The following LYPLAL1 variants were observed in gnomAD, a reference collection of about 807,000 sequenced individuals.
LYPLAL1 encodes the protein lysophospholipase like 1, also known as lysophospholipase-like protein 1.
Under a neutral mutation model 19.7 loss-of-function variants are expected in LYPLAL1, and 23 were observed. That is an observed-to-expected ratio of 1.17 (90% CI 0.84 to 1.65). The LOEUF (loss-of-function observed/expected upper bound fraction) is 1.65. Among genes scored for constraint, LYPLAL1 ranks in the 40% most tolerant of loss-of-function variants. The pLI is 0.00. For synonymous variants in LYPLAL1, 119 were observed against 96.3 expected, an observed-to-expected ratio of 1.24 and a Z score of -1.38; for missense variants, 355 against 279.4, an observed-to-expected ratio of 1.27 and a Z score of -1.93.
In LYPLAL1 at chr1:219,173,907, G is replaced by A. The variant is rs373035897; in HGVS notation, c.17G>A (p.Gly6Glu). ...GCATCAGCGATGGCGGCTGCGTCGG[G>A]GTCGGTTCTGCAGCGCTGTATCGTG... Reference protein sequence around the residue: MAAASGSVLQRCIVSP... With the variant: MAAASESVLQRCIVSP... Residue 6 changes from glycine to glutamate, a missense_variant, in exon 1 of 5, where the codon GGG becomes GAG. Coordinates refer to ENST00000366928, the MANE Select transcript of LYPLAL1 (RefSeq NM_138794.5). The A allele has an allele frequency of 1.2e-6, 2 of 1,613,274 alleles. No individual in the cohort carries two copies. Among genetic ancestry groups the A allele is most frequent in the Non-Finnish European group, 1.7e-6 (2 of 1,179,904 alleles).
chr1:219,217,062 AGACTC>A (rs1195190557), downstream of LYPLAL1, among the ~76,000 whole-genome samples: 3 of 152,264 alleles, frequency 2.0e-5, no homozygotes, highest in Middle Eastern at 3.4e-3. Flanking sequence ...CCTTCAGAGA[AGACTC>A]AACTCATGCA....
chr1:219,204,214 G>A (rs766701932), intron 3 of LYPLAL1, among the ~76,000 whole-genome samples: 3 of 152,110 alleles, frequency 2.0e-5, no homozygotes, highest in Non-Finnish European at 4.4e-5. Flanking sequence ...ATAAAACTTA[G>A]GGAAAACAGG....
the LYPLAL1 span, among the ~76,000 whole-genome samples, chr1:219,381,515 A>T: frequency 6.6e-6 from 1 of 152,170 alleles, no homozygotes; most frequent in Non-Finnish European, 1.5e-5. Context: ...CTTAGTGGGG[A>T]CAAAATAGAA....
the LYPLAL1 span, among the ~76,000 whole-genome samples, chr1:219,229,076 AAGAC>A: frequency 6.6e-6 from 1 of 152,038 alleles, no homozygotes; most frequent in African/African-American, 2.4e-5. Flanking sequence ...AGTAAACTGA[AAGAC>A]AGAAAGGGTA....
At chr1:219,235,693 A>G in the LYPLAL1 span, among the ~76,000 whole-genome samples, 1 of 152,156 alleles carries the variant, frequency 6.6e-6, no homozygotes, top group Non-Finnish European at 1.5e-5. Context: ...GTGAGCCCCT[A>G]AATTCAAGTA....
At chr1:219,329,522 T>A in the LYPLAL1 span, among the ~76,000 whole-genome samples, 5 of 152,250 alleles carry the variant, frequency 3.3e-5, no homozygotes, top group South Asian at 1.0e-3. Context: ...GCAAAAAATT[T>A]TAGATGTGGA....
At chr1:219,320,555 A>C in the LYPLAL1 span, among the ~76,000 whole-genome samples, 1 of 152,084 alleles carries the variant, frequency 6.6e-6, no homozygotes, top group Admixed American at 6.6e-5. Flanking sequence ...CTCGTTATTT[A>C]CATTAGGTAT....
chr1:219,359,260 G>C, the LYPLAL1 span, among the ~76,000 whole-genome samples: 2 of 152,146 alleles, frequency 1.3e-5, no homozygotes, highest in African/African-American at 4.8e-5. Flanking sequence ...GCTTACCTCA[G>C]CAGTGCAGCA....
At chr1:219,237,877 A>T in the LYPLAL1 span, among the ~76,000 whole-genome samples, 1 of 152,156 alleles carries the variant, frequency 6.6e-6, no homozygotes, top group Admixed American at 6.5e-5. Context: ...CTCACTGGTA[A>T]CTTTATCCCC....
the LYPLAL1 span, among the ~76,000 whole-genome samples, chr1:219,399,153 T>C: frequency 6.6e-6 from 1 of 152,124 alleles, no homozygotes; most frequent in African/African-American, 2.4e-5. Context: ...GGAAGCAACA[T>C]GGCTCAGTGA....
At chr1:219,387,197 C>T in the LYPLAL1 span, among the ~76,000 whole-genome samples, 1 of 152,178 alleles carries the variant, frequency 6.6e-6, no homozygotes, top group Non-Finnish European at 1.5e-5. Flanking sequence ...TCAGCTGCTC[C>T]TGCCTGGCAT....
the LYPLAL1 span, among the ~76,000 whole-genome samples, chr1:219,331,640 C>T: frequency 6.6e-6 from 1 of 152,176 alleles, no homozygotes; most frequent in East Asian, 1.9e-4. Context: ...AGATAAAGTA[C>T]ACTCCACTTC....
chr1:219,255,723 G>A, the LYPLAL1 span, among the ~76,000 whole-genome samples: 2 of 151,824 alleles, frequency 1.3e-5, no homozygotes, highest in Non-Finnish European at 2.9e-5. Flanking sequence ...TATGTTGTAA[G>A]TATGTTGTAG....
At chr1:219,432,625 G>A in the LYPLAL1 span, among the ~76,000 whole-genome samples, 3 of 152,188 alleles carry the variant, frequency 2.0e-5, no homozygotes, top group African/African-American at 7.2e-5. Context: ...CCTCCTGAAG[G>A]GGAAATGGAA....
At chr1:219,402,570 C>T in the LYPLAL1 span, among the ~76,000 whole-genome samples, 3 of 147,400 alleles carry the variant, frequency 2.0e-5, no homozygotes. Flanking sequence ...TGAGTTTCTA[C>T]TAATATACTT....
At chr1:219,348,679 T>C in the LYPLAL1 span, among the ~76,000 whole-genome samples, 42 of 152,298 alleles carry the variant, frequency 2.8e-4, no homozygotes, top group Non-Finnish European at 5.6e-4. Context: ...CAGCCAGCTG[T>C]CTAGCAAATG....
chr1:219,223,078 C>T, the LYPLAL1 span: 1 of 151,926 alleles, frequency 6.6e-6, no homozygotes, highest in African/African-American at 2.4e-5. Flanking sequence ...CAAACCATAG[C>T]AGTAACTGTT....
chr1:219,411,374 A>G, the LYPLAL1 span, among the ~76,000 whole-genome samples: 1 of 152,134 alleles, frequency 6.6e-6, no homozygotes, highest in Non-Finnish European at 1.5e-5. Context: ...TGAATGCACC[A>G]ATCAACACTG....
chr1:219,398,006 G>A, the LYPLAL1 span, among the ~76,000 whole-genome samples: 1 of 152,140 alleles, frequency 6.6e-6, no homozygotes, highest in Non-Finnish European at 1.5e-5. Context: ...TTTTGACCTT[G>A]GAGAATCTGA....
Sources: allele counts gnomAD v4.1 joint callset (sites outside exome capture counted in the v4.1 genomes callset), GRCh38; gene constraint gnomAD v4.1.1; transcripts MANE v1.5; gene names NCBI Gene and HGNC (gene_info 2026-07-23, HGNC 2026-07-21).